PRKCH: variants seen among roughly 807,000 people sequenced by gnomAD.
PRKCH encodes the protein protein kinase C eta type.
PRKCH carries 28 observed loss-of-function variants against 82.5 expected under a neutral mutation model. The observed-to-expected ratio is 0.34, with a 90% CI of 0.25 to 0.47. The LOEUF is 0.47. Ranked by LOEUF, PRKCH falls within the 20% of genes least tolerant of loss-of-function variation. PRKCH has a pLI of 1.00. For synonymous variants in PRKCH, 322 were observed against 327.4 expected (o/e 0.98, Z 0.18); for missense variants, 705 against 881.8 (o/e 0.80, Z 2.54).
chr14:61,516,893 A>G (rs1263423268), intron 10 of PRKCH, among the ~76,000 whole-genome samples: 1 of 152,172 alleles, frequency 6.6e-6, no homozygotes, highest in Non-Finnish European at 1.5e-5. Context: ...GAACCAAGCA[A>G]TATCATCTAT....
chr14:61,328,985 C>CAA (rs112999304), intron 1 of PRKCH, among the ~76,000 whole-genome samples: 3 of 117,318 alleles, frequency 2.6e-5, no homozygotes, highest in Non-Finnish European at 3.7e-5. Context: ...AACCCTGTCT[C>CAA]AAAAAAAAAA....
At position 61,453,316 on chromosome 14, in the gene PRKCH, G is replaced by A. The variant is rs538761869; in HGVS notation, c.923G>A (p.Gly308Glu). The change falls in exon 7 of 14, where the codon GGG becomes GAG. Residue 308 changes from glycine to glutamate, a missense_variant. Physicochemically the swap from Gly to Glu is moderately conservative, Grantham distance 98. Coordinates refer to ENST00000332981, the MANE Select transcript of PRKCH (RefSeq NM_006255.5). ...NAVELAKTLA[G>E]MGLQPGNISP... ...GTGGAACTTGCCAAGACCCTGGCAG[G>A]GATGGGTCTCCAACCCGGAAATATT... The A allele has an allele frequency of 1.2e-6, 2 of 1,613,872 alleles. No homozygotes were observed. Among genetic ancestry groups the A allele is most frequent in the South Asian group, 2.2e-5 (2 of 91,036 alleles).
At chr14:61,409,066 C>G (rs866872516) in intron 2 of PRKCH, among the ~76,000 whole-genome samples, 1 of 152,212 alleles carries the variant, frequency 6.6e-6, no homozygotes, top group Non-Finnish European at 1.5e-5. Flanking sequence ...ATCTGCCCAC[C>G]AGAGCCAATG....
chr14:61,295,152 C>T (rs546027770), intron 1 of PRKCH, among the ~76,000 whole-genome samples: 4 of 152,222 alleles, frequency 2.6e-5, no homozygotes, highest in Middle Eastern at 6.8e-3. Context: ...AGCCATGAGC[C>T]ACCACGCCTG....
intron 1 of PRKCH, among the ~76,000 whole-genome samples, chr14:61,286,570 A>T (rs2045315519): frequency 6.6e-6 from 1 of 151,940 alleles, no homozygotes; most frequent in Non-Finnish European, 1.5e-5. Flanking sequence ...TGAGGTCGGG[A>T]GTTCGAGATC....
At chr14:61,263,411 A>G (rs1471950638) in intron 1 of PRKCH, among the ~76,000 whole-genome samples, 2 of 152,122 alleles carry the variant, frequency 1.3e-5, no homozygotes, top group African/African-American at 4.8e-5. Context: ...TTTGTGTATC[A>G]TTTAATCTTT....
At chr14:61,236,321 C>G (rs554268889) in intron 1 of PRKCH, among the ~76,000 whole-genome samples, 2 of 152,264 alleles carry the variant, frequency 1.3e-5, no homozygotes, top group South Asian at 4.1e-4. Context: ...ACTGCATTCC[C>G]AGATGGTTAA....
chr14:61,378,382 T>C (rs943226323), intron 1 of PRKCH, among the ~76,000 whole-genome samples: 11 of 152,196 alleles, frequency 7.2e-5, no homozygotes, highest in Non-Finnish European at 1.6e-4. Flanking sequence ...CTGGCTAATT[T>C]TTTTTATAGA....
chr14:61,308,139 C>T (rs1397771478), intron 1 of PRKCH, among the ~76,000 whole-genome samples: 2 of 152,056 alleles, frequency 1.3e-5, no homozygotes, highest in African/African-American at 2.4e-5. Flanking sequence ...TGTGTCTGGC[C>T]CCAGGTAATT....
At chr14:61,458,232 G>A (rs920271746) in intron 9 of PRKCH, among the ~76,000 whole-genome samples, 4 of 152,230 alleles carry the variant, frequency 2.6e-5, no homozygotes, top group African/African-American at 7.2e-5. Flanking sequence ...AATGGCGTGC[G>A]TTTAGGAATG....
intron 1 of PRKCH, among the ~76,000 whole-genome samples, chr14:61,246,348 C>T (rs2044882843): frequency 1.3e-5 from 2 of 150,096 alleles, no homozygotes; most frequent in Non-Finnish European, 2.9e-5. Flanking sequence ...GTGGAGGTTT[C>T]AGTGAGCCAA....
intron 1 of PRKCH, among the ~76,000 whole-genome samples, chr14:61,191,093 A>G (rs924697326): frequency 2.6e-5 from 4 of 152,212 alleles, no homozygotes; most frequent in African/African-American, 7.2e-5. Context: ...AAGAAATCTG[A>G]TTCTGTGGCC....
At chr14:61,481,056 G>A (rs933655060) in intron 9 of PRKCH, among the ~76,000 whole-genome samples, 3 of 152,052 alleles carry the variant, frequency 2.0e-5, no homozygotes, top group African/African-American at 4.8e-5. Flanking sequence ...TGCCCTGCTC[G>A]GTGTCCCCAT....
intron 1 of PRKCH, among the ~76,000 whole-genome samples, chr14:61,271,029 C>T (rs1187325958): frequency 6.6e-6 from 1 of 152,104 alleles, no homozygotes; most frequent in Non-Finnish European, 1.5e-5. Context: ...TCTTAGACTC[C>T]CTGGCAACCT....
At position 61,409,360 on chromosome 14, in the gene PRKCH, C is replaced by G. The variant is rs1882138474; in HGVS notation, c.427+18072C>G. Among the ~76,000 whole-genome samples the G allele has an allele frequency of 2.0e-5, 3 of 152,108 alleles. No homozygotes were observed. In the South Asian group the frequency reaches 6.2e-4, roughly 32 times the overall value. On this transcript the variant is annotated intron_variant, in intron 2 of 13. Transcript: ENST00000332981. The stretch of plus-strand genomic sequence containing the variant: ...CATCCCCTACTCTGGCCGATTCTTT[C>G]AGTACAGATACAGAAATGCAATGAG...
intron 1 of PRKCH, among the ~76,000 whole-genome samples, chr14:61,248,748 TTATGTATGTATGTATGTATG>T (rs57245411): frequency 1.4e-5 from 2 of 141,916 alleles, no homozygotes; most frequent in African/African-American, 5.2e-5. Flanking sequence ...TTCAATGGTT[TTATGTATGTATGTATGTATG>T]TATGTATGTA....
intron 9 of PRKCH, among the ~76,000 whole-genome samples, chr14:61,477,985 A>G (rs116403767): frequency 0.013 from 2,042 of 152,310 alleles, 37 homozygotes; most frequent in African/African-American, 0.046. Context: ...CTCGAGACCC[A>G]GTGCATGCAG....
intron 1 of PRKCH, among the ~76,000 whole-genome samples, chr14:61,210,754 T>TC (rs2044568921): frequency 1.4e-5 from 2 of 144,316 alleles, no homozygotes; most frequent in African/African-American, 5.2e-5. Flanking sequence ...CAAGAGTCCT[T>TC]TCTCTCTCTC....
chr14:61,234,180 A>G (rs1787221276), intron 1 of PRKCH, among the ~76,000 whole-genome samples: 2 of 152,202 alleles, frequency 1.3e-5, no homozygotes, highest in African/African-American at 2.4e-5. Flanking sequence ...TGGGATGAAG[A>G]CATAACCCAC....
Sources: gnomAD v4.1 joint callset for allele counts (sites outside exome capture counted in the v4.1 genomes callset) on GRCh38, gnomAD v4.1.1 for gene constraint, MANE v1.5 for transcripts, NCBI Gene and HGNC (gene_info 2026-07-23, HGNC 2026-07-21) for gene names.